The following NBPF26 variants were observed in gnomAD, a reference collection of about 807,000 sequenced individuals.
NBPF26 encodes the protein NBPF family member NBPF26.
NBPF26 carries 79 observed loss-of-function variants against 119.6 expected under a neutral mutation model. The observed-to-expected ratio is 0.66, with a 90% CI of 0.55 to 0.80. NBPF26 has a LOEUF of 0.80. Ranked by LOEUF, NBPF26 falls within the 30% of genes least tolerant of loss-of-function variation. The pLI is 0.00. For synonymous variants in NBPF26, 299 were observed against 457.7 expected (o/e 0.65, Z 4.43); for missense variants, 800 against 1,198.2 (o/e 0.67, Z 4.91).
In NBPF26 at chr1:120,812,080, C is replaced by G; in HGVS notation, c.1759C>G (p.Gln587Glu). 8 of 1,234,606 alleles carry G rather than the reference C, an allele frequency of 6.5e-6. 2 individuals are homozygous for G. Among genetic ancestry groups the G allele is most frequent in the Non-Finnish European group, 8.9e-6 (8 of 895,358 alleles). The allele number at this position is 1,234,606 out of a possible 1,614,324, so 76.5% of individuals were successfully genotyped here. A position where few individuals can be genotyped will look rare whatever the true frequency, so the allele number is the denominator to read the frequency against. ...TCAACTGGCCGGCTTCCTGGCCAAC[C>G]AGCAGAACAAATACAGTAAGATCTA... The change falls in exon 10 of 30, where the codon CAG becomes GAG. Residue 587 changes from glutamine (Q) to glutamate (E), a missense_variant. Gln to Glu is a conservative substitution (Grantham distance 29). Transcript: ENST00000620612.
intron 13 of NBPF26, 109 bp downstream of exon 13, chr1:120,816,266 G>A: frequency 4.4e-6 from 3 of 675,898 alleles, no homozygotes; most frequent in Non-Finnish European, 7.2e-6. Context: ...CATTCGCTTG[G>A]CCACAGTATG....
At chr1:120,727,743 C>T (rs1204239828) in intron 1 of NBPF26, among the ~76,000 whole-genome samples, 4 of 114,904 alleles carry the variant, frequency 3.5e-5, no homozygotes, top group South Asian at 2.5e-4. Context: ...TGTCTCAGTT[C>T]GAATGCCTAA....
rs1269162992 is a variant in NBPF26, at chr1:120,761,227, C to G, written c.74-2401C>G. On this transcript the variant is annotated intron_variant, in intron 1 of 29. Transcript: ENST00000620612. Reference sequence around the variant, plus strand: ...GATTTGTCAGGACACTTAATAGGAACAGGCCGTGATTTTTGCACCCATGGC... The same window carrying G: ...GATTTGTCAGGACACTTAATAGGAAGAGGCCGTGATTTTTGCACCCATGGC... Among the ~76,000 whole-genome samples, 17 of 122,088 alleles carry G rather than the reference C, an allele frequency of 1.4e-4. 2 individuals are homozygous for G. The highest frequency in any genetic ancestry group is 5.8e-4 in the African/African-American group (15 of 25,880). 80.1% of individuals were successfully genotyped at this position (122,088 alleles called of 152,430 possible).
intron 18 of NBPF26, among the ~76,000 whole-genome samples, chr1:120,824,513 CTG>C (rs1271383058): frequency 2.5e-5 from 1 of 39,626 alleles, no homozygotes; most frequent in Non-Finnish European, 3.8e-5. Flanking sequence ...CATGAACAAT[CTG>C]AGTATTTGAT....
chr1:120,790,535 C>CTTTTCTTT (rs1553268602), intron 3 of NBPF26, among the ~76,000 whole-genome samples: 1 of 76,630 alleles, frequency 1.3e-5, no homozygotes, highest in South Asian at 3.9e-4. Context: ...TTTCTCCCTC[C>CTTTTCTTT]CTTTCTTTCT....
At chr1:120,784,843 T>C in intron 2 of NBPF26, 131 bp from the exon 3 acceptor site, 2 of 1,014,764 alleles carry the variant, frequency 2.0e-6, no homozygotes, top group Non-Finnish European at 2.8e-6. Context: ...GAAGCAGTTT[T>C]ATAGGTGGTA....
rs1304013126 is a variant in NBPF26 at position 120,727,345 on chromosome 1, T to G, written c.73+3095T>G. Among the ~76,000 whole-genome samples, 3 of 111,732 alleles carry G rather than the reference T, an allele frequency of 2.7e-5. 1 individual carries two copies. The highest frequency in any genetic ancestry group is 5.1e-5 in the Non-Finnish European group (3 of 59,310). 73.3% of individuals were successfully genotyped at this position (111,732 alleles called of 152,430 possible). ...ATGAGGTCTTTCTAAATTTAAGAAA[T>G]TTCCATAACAAATGTAACCTTAGTC... On this transcript the variant is annotated intron_variant, in intron 1 of 29. Transcript: ENST00000620612.
In NBPF26 at chr1:120,822,129, G is replaced by A; in HGVS notation, c.2449G>A (p.Glu817Lys). ...GAATCTGCAGGAGTCTGAAGAGGAGGAAGTCCCCCAGGAGTCCTGGGATGA... is the reference window on the plus strand; with the variant it reads ...GAATCTGCAGGAGTCTGAAGAGGAGAAAGTCCCCCAGGAGTCCTGGGATGA... Residue 817 changes from glutamate (E) to lysine (K), a missense_variant, in exon 16 of 30, where the codon GAA becomes AAA. Glu to Lys is a moderately conservative substitution (Grantham distance 56). Around this residue, in one of 13 missense-constraint regions of NBPF26, gnomAD observed 59 missense variants for 112.3 expected, o/e 0.53. Transcript: ENST00000620612. 22 of 1,421,892 alleles carry A rather than the reference G, an allele frequency of 1.5e-5. 4 individuals carry two copies. Among genetic ancestry groups the A allele is most frequent in the Non-Finnish European group, 1.3e-5 (14 of 1,065,200 alleles). 88.1% of individuals were successfully genotyped at this position (1,421,892 alleles called of 1,614,324 possible). A position where few individuals can be genotyped will look rare whatever the true frequency, so the allele number is the denominator to read the frequency against.
chr1:120,764,306 A>G (rs1651166087), intron 2 of NBPF26, among the ~76,000 whole-genome samples: 1 of 106,106 alleles, frequency 9.4e-6, no homozygotes, highest in Non-Finnish European at 1.8e-5. Context: ...TGTTTTTCAG[A>G]TTAAGGCATA....
intron 2 of NBPF26, among the ~76,000 whole-genome samples, chr1:120,770,530 T>C (rs2101427034): frequency 1.7e-5 from 2 of 117,492 alleles, no homozygotes; most frequent in East Asian, 4.2e-4. Context: ...CTATTAACAA[T>C]TGGATCTTTG....
At position 120,724,234 on chromosome 1, in the gene NBPF26, G is replaced by C. The variant is rs1241711261; in HGVS notation, c.57G>C (p.Trp19Cys). ...CGCTGCTGGCGCTCTGGCTGTGCTG[G>C]GCGGCCCCCGCGCATGGTGAGTATC... The change falls in exon 1 of 30, where the codon TGG (tryptophan) becomes TGC (cysteine). Residue 19 changes from tryptophan (W) to cysteine (C), a missense_variant. Trp to Cys is a radical substitution (Grantham distance 215). This residue lies in a region of NBPF26 where 209 missense variants were observed against 285.2 expected (regional missense o/e 0.73). Coordinates refer to ENST00000620612, the Ensembl canonical transcript of NBPF26. 517 of 1,402,738 alleles carry C rather than the reference G, an allele frequency of 3.7e-4. 104 individuals are homozygous for C. Among genetic ancestry groups the C allele is most frequent in the East Asian group, 1.9e-3 (78 of 41,112 alleles). 86.9% of individuals were successfully genotyped at this position (1,402,738 alleles called of 1,614,324 possible).
At chr1:120,740,113 G>GAAGA (rs1650939374) in intron 1 of NBPF26, among the ~76,000 whole-genome samples, 1 of 129,156 alleles carries the variant, frequency 7.7e-6, no homozygotes, top group Non-Finnish European at 1.7e-5. Context: ...GATTAAAGAT[G>GAAGA]AAGAACTCTT....
chr1:120,804,322 T>G (rs1651624728), intron 4 of NBPF26, among the ~76,000 whole-genome samples: 2 of 107,470 alleles, frequency 1.9e-5, no homozygotes, highest in East Asian at 2.2e-4. Flanking sequence ...AAACTCACCT[T>G]CTACTGCACA....
chr1:120,824,020 G>C, exon 18 of NBPF26: 4 of 696,108 alleles, frequency 5.7e-6, no homozygotes, highest in Non-Finnish European at 7.0e-6. Context: ...AGTCTTGCAG[G>C]ACTCACTGGA....
chr1:120,783,537 G>A (rs1651389548), intron 2 of NBPF26, among the ~76,000 whole-genome samples: 1 of 52,550 alleles, frequency 1.9e-5, no homozygotes, highest in Non-Finnish European at 3.1e-5. Flanking sequence ...AGTTTCTTGG[G>A]AAGATGATCT....
chr1:120,840,461 C>G, exon 30 of NBPF26: 2 of 1,478,382 alleles, frequency 1.4e-6, no homozygotes, highest in Non-Finnish European at 1.8e-6. Context: ...CATTCCAGCA[C>G]TACAGAAGTG....
In NBPF26 at chr1:120,802,488, A is replaced by G. The variant is rs1286477891; in HGVS notation, c.752-3068A>G. Among the ~76,000 whole-genome samples, 17 of 125,972 alleles carry G rather than the reference A, an allele frequency of 1.3e-4. 7 individuals carry two copies. The highest frequency in any genetic ancestry group is 6.5e-4 in the African/African-American group (17 of 26,318). 82.6% of individuals were successfully genotyped at this position (125,972 alleles called of 152,430 possible). ...ACTCCATTTGAACTTTGAGTACAAC[A>G]GAGACATGAGCCCTTCGGGACACAT... On this transcript the variant is annotated intron_variant, in intron 4 of 29. Transcript: ENST00000620612.
chr1:120,813,087 TGTACA>T (rs1389758948), intron 10 of NBPF26, among the ~76,000 whole-genome samples: 1 of 118,908 alleles, frequency 8.4e-6, no homozygotes, highest in Admixed American at 8.0e-5. Flanking sequence ...AGCAGTGCAG[TGTACA>T]GAGCAGGGAC....
intron 3 of NBPF26, among the ~76,000 whole-genome samples, chr1:120,790,244 G>A (rs1392234372): frequency 9.4e-6 from 1 of 106,726 alleles, no homozygotes; most frequent in Non-Finnish European, 1.7e-5. Flanking sequence ...TGGATCGCCT[G>A]ACCTCATGAT....
Sources: allele counts gnomAD v4.1 joint callset (sites outside exome capture counted in the v4.1 genomes callset), GRCh38; gene constraint gnomAD v4.1.1; regional missense constraint gnomAD v4.1.1; transcripts MANE v1.5; gene names NCBI Gene and HGNC (gene_info 2026-07-23, HGNC 2026-07-21).